The following RIPOR2 variants were observed in gnomAD, a reference collection of about 807,000 sequenced individuals.
RIPOR2 encodes the protein rho family-interacting cell polarization regulator 2.
In RIPOR2, 39 loss-of-function variants were observed where a neutral mutation model predicts 114.5. That is an observed-to-expected ratio of 0.34 (90% CI 0.26 to 0.44). RIPOR2 has a LOEUF of 0.44. Ranked by LOEUF, RIPOR2 falls within the 20% of genes least tolerant of loss-of-function variation. The pLI, the probability that RIPOR2 is intolerant of heterozygous loss-of-function variation, is 1.00. For missense variants in RIPOR2, 1,007 were observed against 1,255.1 expected (o/e 0.80, Z 2.99); for synonymous variants, 445 against 484.4 (o/e 0.92, Z 1.07).
chr6:24,947,055 C>T (rs1429456391), intron 1 of RIPOR2, among the ~76,000 whole-genome samples: 1 of 150,576 alleles, frequency 6.6e-6, no homozygotes, highest in Non-Finnish European at 1.5e-5. Flanking sequence ...AAAGAGAAAA[C>T]GTGAAGGAGG....
chr6:24,842,478 T>A (rs1158152917), intron 13 of RIPOR2, among the ~76,000 whole-genome samples: 1 of 152,230 alleles, frequency 6.6e-6, no homozygotes, highest in African/African-American at 2.4e-5. Flanking sequence ...CGGATAACTC[T>A]GACTCCAACC....
At position 24,828,124 on chromosome 6, in the gene RIPOR2, G is replaced by C; in HGVS notation, c.2665+13C>G. On this transcript the variant is annotated intron_variant, in intron 18 of 21. Coordinates refer to ENST00000643898, the MANE Select transcript of RIPOR2 (RefSeq NM_001286445.3). ...GAGCCACCACTACAATGTGACAAAA[G>C]AACATGTCCCACCTTGCCTGGCCAG... 6.5e-7 allele frequency: 1 copy of C among 1,537,662 alleles called. No individual in the cohort carries two copies. The highest frequency in any genetic ancestry group is 2.5e-5 in the East Asian group (1 of 40,388).
At chr6:24,955,622 C>T (rs1418282294) in intron 1 of RIPOR2, among the ~76,000 whole-genome samples, 2 of 151,240 alleles carry the variant, frequency 1.3e-5, no homozygotes. Flanking sequence ...GCTTTTAAAT[C>T]TGCAGTTTCT....
intron 1 of RIPOR2, among the ~76,000 whole-genome samples, chr6:24,922,739 A>G (rs1269514423): frequency 6.6e-6 from 1 of 151,318 alleles, no homozygotes; most frequent in African/African-American, 2.4e-5. Context: ...GTGCACCTGT[A>G]GTTCCAGCTA....
chr6:24,967,363 T>C (rs1773571923), intron 1 of RIPOR2, among the ~76,000 whole-genome samples: 1 of 152,184 alleles, frequency 6.6e-6, no homozygotes, highest in Admixed American at 6.6e-5. Context: ...AAGTACAGTA[T>C]AAAGGATAAA....
chr6:25,006,652 G>C (rs937758115), intron 1 of RIPOR2, among the ~76,000 whole-genome samples: 2 of 152,168 alleles, frequency 1.3e-5, no homozygotes, highest in Admixed American at 6.5e-5. Context: ...TGGCTCTGTG[G>C]AGTACGGACT....
chr6:24,987,198 AC>A (rs1243262398), intron 1 of RIPOR2, among the ~76,000 whole-genome samples: 1 of 152,220 alleles, frequency 6.6e-6, no homozygotes, highest in African/African-American at 2.4e-5. Context: ...GCTGGCTGGC[AC>A]AGCCAGGCGG....
intron 1 of RIPOR2, among the ~76,000 whole-genome samples, chr6:24,922,893 C>T (rs1274377531): frequency 6.9e-6 from 1 of 144,960 alleles, no homozygotes; most frequent in Non-Finnish European, 1.5e-5. Flanking sequence ...GTAAAATACA[C>T]ATAACATAAA....
intron 12 of RIPOR2, among the ~76,000 whole-genome samples, chr6:24,845,945 G>T (rs1311746257): frequency 6.6e-6 from 1 of 152,156 alleles, no homozygotes; most frequent in African/African-American, 2.4e-5. Flanking sequence ...CCCAGCAGAG[G>T]ATAGAGAGTG....
At chr6:24,876,609 C>T (rs1343046721) in intron 1 of RIPOR2, among the ~76,000 whole-genome samples, 1 of 152,160 alleles carries the variant, frequency 6.6e-6, no homozygotes, top group Non-Finnish European at 1.5e-5. Flanking sequence ...TTCTCCCTTT[C>T]TATCTTTAAG....
At chr6:24,827,648 G>T (rs1473423436) in intron 18 of RIPOR2, among the ~76,000 whole-genome samples, 1 of 152,224 alleles carries the variant, frequency 6.6e-6, no homozygotes, top group Non-Finnish European at 1.5e-5. Context: ...CTTCATTGCT[G>T]CATGCCTGCA....
intron 10 of RIPOR2, 134 bp from the exon 11 acceptor site, chr6:24,850,084 C>A: frequency 9.2e-4 from 525 of 573,242 alleles, no homozygotes; most frequent in Non-Finnish European, 1.3e-3. Flanking sequence ...AGCGGATTTT[C>A]ATTTTTCTTT....
At chr6:24,942,986 C>G (rs1772218134) in intron 1 of RIPOR2, among the ~76,000 whole-genome samples, 1 of 152,124 alleles carries the variant, frequency 6.6e-6, no homozygotes, top group Admixed American at 6.6e-5. Flanking sequence ...GAAGTCCTTG[C>G]CCATGCCTAT....
At chr6:24,851,815 C>A (rs1581597355) in intron 9 of RIPOR2, among the ~76,000 whole-genome samples, 1 of 151,398 alleles carries the variant, frequency 6.6e-6, no homozygotes, top group Admixed American at 6.6e-5. Flanking sequence ...TGAACATAGA[C>A]TAATTCCAGG....
At position 24,873,576 on chromosome 6, in the gene RIPOR2, A is replaced by G. The variant is rs376706711; in HGVS notation, c.344+68T>C. ...AAATAGACATCTGAAAAATGATCTC[A>G]TAAGACCAGCTTTTCTCTGACCCCT... On this transcript the variant is annotated intron_variant, in intron 3 of 21. Transcript: ENST00000643898. 2.6e-4 allele frequency: 377 copies of G among 1,431,494 alleles called. 4 individuals are homozygous for G. The South Asian group carries it at 3.7e-3, about 14-fold the overall frequency. The allele number at this position is 1,431,494 out of a possible 1,614,324, so 88.7% of individuals were successfully genotyped here.
chr6:24,874,143 G>C (rs1765484484), intron 2 of RIPOR2, among the ~76,000 whole-genome samples: 1 of 152,116 alleles, frequency 6.6e-6, no homozygotes, highest in Non-Finnish European at 1.5e-5. Context: ...TGGTCCTCCT[G>C]CCTCAGCCTC....
intron 1 of RIPOR2, among the ~76,000 whole-genome samples, chr6:25,027,346 G>C (rs543585194): frequency 6.6e-6 from 1 of 152,280 alleles, no homozygotes; most frequent in African/African-American, 2.4e-5. Context: ...CGGGTTCCCA[G>C]GGGGAGGCGC....
chr6:25,000,274 T>C (rs972857019), intron 1 of RIPOR2, among the ~76,000 whole-genome samples: 2 of 152,300 alleles, frequency 1.3e-5, no homozygotes, highest in South Asian at 4.1e-4. Flanking sequence ...GCATCCTTCA[T>C]GTTAGCTCTG....
chr6:25,028,526 A>G (rs149519998), intron 1 of RIPOR2, among the ~76,000 whole-genome samples: 350 of 152,352 alleles, frequency 2.3e-3, no homozygotes, highest in African/African-American at 8.2e-3. Flanking sequence ...CAAAATGGAT[A>G]CAATTACCAA....
Sources: gnomAD v4.1 joint callset for allele counts (sites outside exome capture counted in the v4.1 genomes callset) on GRCh38, gnomAD v4.1.1 for gene constraint, MANE v1.5 for transcripts, NCBI Gene and HGNC (gene_info 2026-07-23, HGNC 2026-07-21) for gene names.